Variants in TFDP2 observed in about 807,000 individuals in gnomAD.
The protein encoded by TFDP2 is transcription factor Dp-2 (E2F dimerization partner 2).
A neutral mutation model predicts 59.3 loss-of-function variants in TFDP2; 17 were observed. The ratio of observed to expected loss-of-function variants is 0.29; its 90% CI spans 0.20 to 0.43. The LOEUF (loss-of-function observed/expected upper bound fraction) is 0.43, where lower values mean the gene tolerates loss of function less well. TFDP2 is among the 20% of genes least tolerant of loss of function. The pLI, the probability that TFDP2 is intolerant of heterozygous loss-of-function variation, is 1.00. For missense variants in TFDP2, 391 were observed against 528.8 expected (o/e 0.74, Z 2.56); for synonymous variants, 180 against 194.7 (o/e 0.92, Z 0.63).
Position 141,956,418 on chromosome 3 carries a change from G to C in TFDP2, c.1051+3256C>G, listed in dbSNP as rs544995165. On this transcript the variant is annotated intron_variant, in intron 11 of 12. Coordinates refer to ENST00000489671, the MANE Select transcript of TFDP2 (RefSeq NM_001178139.2). Reference sequence around the variant, plus strand: ...AATACAAAAATTAGCTGGGCGTGGTGGTGGGCGCCTGTAATTCCAGCTACT... The same window carrying C: ...AATACAAAAATTAGCTGGGCGTGGTCGTGGGCGCCTGTAATTCCAGCTACT... Among the ~76,000 whole-genome samples, 12 of 152,190 alleles carry C rather than the reference G, an allele frequency of 7.9e-5. No individual in the cohort carries two copies. In the South Asian group the frequency reaches 2.3e-3, roughly 29 times the overall value.
chr3:142,067,470 A>G (rs764665364), intron 3 of TFDP2, among the ~76,000 whole-genome samples: 2 of 152,036 alleles, frequency 1.3e-5, no homozygotes, highest in Non-Finnish European at 2.9e-5. Context: ...AAAGAAATCA[A>G]AGAAGACCTA....
intron 3 of TFDP2, among the ~76,000 whole-genome samples, chr3:142,054,351 G>T (rs764335450): frequency 2.0e-5 from 3 of 152,106 alleles, no homozygotes; most frequent in Non-Finnish European, 2.9e-5. Flanking sequence ...AATGAATCTT[G>T]AAAACATTAT....
intron 9 of TFDP2, among the ~76,000 whole-genome samples, chr3:141,964,371 G>C (rs569294367): frequency 3.2e-4 from 49 of 152,314 alleles, no homozygotes; most frequent in Non-Finnish European, 6.3e-4. Context: ...CTCGAGGGAG[G>C]CTGGGCACAG....
At position 142,082,668 on chromosome 3, in the gene TFDP2, T is replaced by C. The variant is rs138040786; in HGVS notation, c.82+10393A>G. Among the ~76,000 whole-genome samples the C allele has an allele frequency of 5.3e-5, 8 of 152,284 alleles. No individual in the cohort carries two copies. The East Asian group carries it at 1.5e-3, about 29-fold the overall frequency. On this transcript the variant is annotated intron_variant, in intron 3 of 12. Coordinates refer to ENST00000489671, the MANE Select transcript of TFDP2 (RefSeq NM_001178139.2). ...TTCAACAACACATTAAAAAGATCAT[T>C]GATCATGACCAAGTGGGATGTATCC...
Position 142,121,767 on chromosome 3 carries a change from G to A in TFDP2, c.-92-19926C>T, listed in dbSNP as rs2108697753. 6.6e-6 allele frequency among the ~76,000 whole-genome samples: 1 copy of A among 152,158 alleles called. No individual in the cohort carries two copies. The highest frequency in any genetic ancestry group is 2.1e-4 in the South Asian group (1 of 4,812). Reference sequence around the variant, plus strand: ...AATCCCAGCACTTCTGGGATGCTGAGGCGGACGGAACACCTGAGGTCAGGA... The same window carrying A: ...AATCCCAGCACTTCTGGGATGCTGAAGCGGACGGAACACCTGAGGTCAGGA... On this transcript the variant is annotated intron_variant, in intron 1 of 12. Transcript: ENST00000489671. This position sits in a 1 kb window ranked among gnomAD's most constrained non-coding sequence, Gnocchi z 4.3.
chr3:142,080,108 T>G (rs544450168), intron 3 of TFDP2, among the ~76,000 whole-genome samples: 1 of 152,118 alleles, frequency 6.6e-6, no homozygotes, highest in African/African-American at 2.4e-5. Flanking sequence ...GGATTACAGA[T>G]GCACGCTACC....
chr3:142,108,259 G>T (rs1433880748), intron 1 of TFDP2, among the ~76,000 whole-genome samples: 1 of 151,644 alleles, frequency 6.6e-6, no homozygotes, highest in African/African-American at 2.4e-5. Context: ...ACCCAGGCTG[G>T]ACTGCAGTGG....
At chr3:142,091,357 C>T (rs1442818898) in intron 3 of TFDP2, among the ~76,000 whole-genome samples, 1 of 151,978 alleles carries the variant, frequency 6.6e-6, no homozygotes, top group East Asian at 1.9e-4. Flanking sequence ...GGTGTGGTGG[C>T]TTAAACCTGG....
intron 2 of TFDP2, among the ~76,000 whole-genome samples, chr3:142,094,775 T>G (rs2061109872): frequency 6.6e-6 from 1 of 152,330 alleles, no homozygotes; most frequent in South Asian, 2.1e-4. Flanking sequence ...ATCCATTACC[T>G]CTATATAGCT....
intron 3 of TFDP2, among the ~76,000 whole-genome samples, chr3:142,074,407 T>A (rs1258019529): frequency 7.0e-6 from 1 of 143,826 alleles, no homozygotes; most frequent in Non-Finnish European, 1.5e-5. Flanking sequence ...AGATTCTATC[T>A]CAAAAAAAAA....
chr3:142,129,493 C>T (rs4683421), intron 1 of TFDP2, among the ~76,000 whole-genome samples: 76,918 of 151,792 alleles, frequency 0.51, 20,005 homozygotes, highest in East Asian at 0.71. Context: ...CAAAAAAAGA[C>T]AGTATTAACA....
chr3:142,039,952 C>G (rs538073624), intron 3 of TFDP2, among the ~76,000 whole-genome samples: 1 of 152,168 alleles, frequency 6.6e-6, no homozygotes, highest in Admixed American at 6.5e-5. Flanking sequence ...TCCAAATCCA[C>G]CTCAACTCCA....
chr3:142,139,731 G>C (rs1054069660), intron 1 of TFDP2, among the ~76,000 whole-genome samples: 2 of 152,238 alleles, frequency 1.3e-5, no homozygotes, highest in Non-Finnish European at 2.9e-5. Flanking sequence ...TCTGCCGAGA[G>C]ATCCGCTGTT....
At chr3:142,086,623 T>G (rs1453662901) in intron 3 of TFDP2, among the ~76,000 whole-genome samples, 1 of 152,118 alleles carries the variant, frequency 6.6e-6, no homozygotes, top group Non-Finnish European at 1.5e-5. Flanking sequence ...CAGAAGCTTC[T>G]GTCCCCAGAG....
At position 142,043,360 on chromosome 3, in the gene TFDP2, CTTAT is replaced by C. The variant is rs1412477923; in HGVS notation, c.83-37820_83-37817del. Among the ~76,000 whole-genome samples the C allele has an allele frequency of 4.6e-4, 69 of 151,112 alleles. 1 individual carries two copies. The highest frequency in any genetic ancestry group is 3.4e-3 in the Middle Eastern group (1 of 294). ...CCGCGCCCGGCCGCTTATTTTTACT[CTTAT>C]TTATTTATTTATTTTTGGAGACTGA... On this transcript the variant is annotated intron_variant, in intron 3 of 12. Transcript: ENST00000489671.
intron 1 of TFDP2, among the ~76,000 whole-genome samples, chr3:142,147,737 A>G (rs2063225286): frequency 6.6e-6 from 1 of 152,232 alleles, no homozygotes; most frequent in Non-Finnish European, 1.5e-5. Flanking sequence ...CTCTTAGACT[A>G]GACTAGTTAC....
At chr3:142,013,119 C>T (rs1349394912) in intron 3 of TFDP2, among the ~76,000 whole-genome samples, 1 of 152,058 alleles carries the variant, frequency 6.6e-6, no homozygotes, top group Non-Finnish European at 1.5e-5. Flanking sequence ...GCCTGGGTGA[C>T]AGAGCGAGAC....
chr3:142,111,637 A>G (rs1161151801), intron 1 of TFDP2, among the ~76,000 whole-genome samples: 5 of 152,152 alleles, frequency 3.3e-5, no homozygotes, highest in African/African-American at 1.2e-4. Context: ...GATCAAAGGA[A>G]GAAAAGCATG....
chr3:142,113,256 T>C (rs2061724844), intron 1 of TFDP2, among the ~76,000 whole-genome samples: 1 of 152,050 alleles, frequency 6.6e-6, no homozygotes, highest in Admixed American at 6.6e-5. Context: ...ATTTATTTTT[T>C]ATTTATTTAT....
Sources: allele counts gnomAD v4.1 joint callset (sites outside exome capture counted in the v4.1 genomes callset), GRCh38; gene constraint gnomAD v4.1.1; non-coding constraint Gnocchi (gnomAD v3.1); transcripts MANE v1.5; gene names NCBI Gene and HGNC (gene_info 2026-07-23, HGNC 2026-07-21).